Variants in PHLPP1 observed in about 807,000 individuals in gnomAD.
The protein encoded by PHLPP1 is PH domain leucine-rich repeat-containing protein phosphatase 1.
PHLPP1 carries 42 observed loss-of-function variants against 117.2 expected under a neutral mutation model. That is an observed-to-expected ratio of 0.36 (90% CI 0.28 to 0.46). The LOEUF is 0.46. Among genes scored for constraint, PHLPP1 ranks in the 20% least tolerant of loss-of-function variants. PHLPP1 has a pLI of 1.00. For synonymous variants in PHLPP1, 1,042 were observed against 970.7 expected, an observed-to-expected ratio of 1.07 and a Z score of -1.37; for missense variants, 2,084 against 2,241.9, an observed-to-expected ratio of 0.93 and a Z score of 1.42.
intron 12 of PHLPP1, among the ~76,000 whole-genome samples, chr18:62,950,936 TTCTC>T (rs1332277162): frequency 6.6e-5 from 10 of 151,990 alleles, no homozygotes; most frequent in Non-Finnish European, 1.0e-4. Context: ...AGACTGCATA[TTCTC>T]TCTGTCTTTC....
chr18:62,898,607 C>T (rs1016268580), intron 6 of PHLPP1, among the ~76,000 whole-genome samples: 2 of 152,118 alleles, frequency 1.3e-5, no homozygotes, highest in African/African-American at 4.8e-5. Context: ...CTGAGCTGCT[C>T]ATGTGTGGGC....
At chr18:62,755,454 C>G (rs1911986605) in intron 1 of PHLPP1, among the ~76,000 whole-genome samples, 1 of 152,152 alleles carries the variant, frequency 6.6e-6, no homozygotes, top group South Asian at 2.1e-4. Context: ...ATCCTAAACT[C>G]CAAGGTGATA....
At chr18:62,871,686 C>T (rs1915907841) in intron 4 of PHLPP1, among the ~76,000 whole-genome samples, 1 of 150,050 alleles carries the variant, frequency 6.7e-6, no homozygotes, top group African/African-American at 2.5e-5. Context: ...GGTCTGTCCC[C>T]CAGGCTGGAG....
At chr18:62,967,681 CTT>C (rs1910942301) in intron 14 of PHLPP1, among the ~76,000 whole-genome samples, 1 of 151,580 alleles carries the variant, frequency 6.6e-6, no homozygotes. Flanking sequence ...TTGTCATAGA[CTT>C]TTTCTGTATC....
chr18:62,756,969 T>C (rs1406868604), intron 1 of PHLPP1, among the ~76,000 whole-genome samples: 1 of 152,210 alleles, frequency 6.6e-6, no homozygotes, highest in Non-Finnish European at 1.5e-5. Context: ...GTACATACGA[T>C]TGAGACTTTT....
In PHLPP1 at chr18:62,979,145, C is replaced by T. The variant is rs1038046430; in HGVS notation, c.4868C>T (p.Ala1623Val). The change falls in exon 17 of 17, where the codon GCC becomes GTC. Residue 1623 changes from alanine to valine, a missense_variant. Ala to Val is a moderately conservative substitution (Grantham distance 64). Transcript: ENST00000262719. ...SAVGTIGRRR[A>V]NGSVAPQERS... ...GTTGGGACCATTGGGCGCCGGAGGGCCAATGGCTCTGTTGCGCCCCAGGAA... is the reference window on the plus strand; with the variant it reads ...GTTGGGACCATTGGGCGCCGGAGGGTCAATGGCTCTGTTGCGCCCCAGGAA... The T allele has an allele frequency of 2.7e-5, 43 of 1,613,934 alleles. No individual in the cohort carries two copies. The highest frequency in any genetic ancestry group is 3.6e-5 in the Non-Finnish European group (42 of 1,179,866).
chr18:62,860,464 C>T lies in PHLPP1; in HGVS notation c.1929C>T (p.Asp643=). 6.2e-7 allele frequency: 1 copy of T among 1,613,862 alleles called. No individual in the cohort carries two copies. The highest frequency in any genetic ancestry group is 8.5e-7 in the Non-Finnish European group (1 of 1,179,832). ...KVASQRISSV[D]LSCCSLEHLP... ...CATCCCAGCGCATTAGCTCAGTGGACCTCTCGTGTTGTAGCCTGGAACATC... is the reference window on the plus strand; with the variant it reads ...CATCCCAGCGCATTAGCTCAGTGGATCTCTCGTGTTGTAGCCTGGAACATC... Residue 643 remains aspartate (D), a synonymous_variant, in exon 4 of 17, where the codon GAC becomes GAT. Transcript: ENST00000262719.
chr18:62,726,408 G>C (rs1911071817), intron 1 of PHLPP1, among the ~76,000 whole-genome samples: 1 of 151,354 alleles, frequency 6.6e-6, no homozygotes, highest in Admixed American at 6.6e-5. Context: ...TGTTTACTAA[G>C]TCACTTATAT....
intron 6 of PHLPP1, among the ~76,000 whole-genome samples, chr18:62,902,646 T>C (rs913837436): frequency 6.6e-6 from 1 of 152,238 alleles, no homozygotes; most frequent in Admixed American, 6.5e-5. Context: ...CCTAGTTCTT[T>C]GGAAGTCAGT....
At chr18:62,842,544 A>G (rs946640157) in intron 3 of PHLPP1, among the ~76,000 whole-genome samples, 21 of 151,608 alleles carry the variant, frequency 1.4e-4, no homozygotes, top group Non-Finnish European at 2.9e-4. Context: ...TTGTATTTTT[A>G]GTAGAAACGG....
intron 2 of PHLPP1, among the ~76,000 whole-genome samples, chr18:62,834,541 ACTGGGCT>A (rs1914838987): frequency 6.6e-6 from 1 of 152,192 alleles, no homozygotes; most frequent in South Asian, 2.1e-4. Flanking sequence ...GAGCTCGGTT[ACTGGGCT>A]CTGGGACATA....
At chr18:62,736,717 T>G (rs990279584) in intron 1 of PHLPP1, among the ~76,000 whole-genome samples, 4 of 152,220 alleles carry the variant, frequency 2.6e-5, no homozygotes, top group African/African-American at 9.6e-5. Flanking sequence ...GTAATACATG[T>G]TAAGCTGACT....
intron 1 of PHLPP1, among the ~76,000 whole-genome samples, chr18:62,766,408 T>C (rs2056003329): frequency 2.0e-5 from 3 of 152,078 alleles, no homozygotes; most frequent in Non-Finnish European, 2.9e-5. Flanking sequence ...AAGTGACTTA[T>C]CTTCGAGTTT....
intron 1 of PHLPP1, among the ~76,000 whole-genome samples, chr18:62,775,008 C>T (rs944487016): frequency 7.2e-5 from 11 of 152,196 alleles, no homozygotes; most frequent in African/African-American, 2.7e-4. Flanking sequence ...AAACTGATTT[C>T]AGTCCACCTT....
At chr18:62,750,958 G>T (rs184376490) in intron 1 of PHLPP1, among the ~76,000 whole-genome samples, 276 of 152,290 alleles carry the variant, frequency 1.8e-3, no homozygotes, top group African/African-American at 6.5e-3. Flanking sequence ...GTCTGTTCAC[G>T]TTAAATACTG....
intron 4 of PHLPP1, among the ~76,000 whole-genome samples, chr18:62,894,324 T>G (rs1232084442): frequency 1.3e-5 from 2 of 152,104 alleles, no homozygotes; most frequent in African/African-American, 4.8e-5. Context: ...GCCTCCTGAG[T>G]AGCTGGGATT....
intron 13 of PHLPP1, 128 bp downstream of exon 13, chr18:62,958,887 G>A (rs1910693835): frequency 1.0e-6 from 1 of 992,478 alleles, no homozygotes; most frequent in Admixed American, 2.6e-5. Context: ...CACACAACAG[G>A]ATATACAAGA....
At chr18:62,892,108 T>A (rs1477933197) in intron 4 of PHLPP1, among the ~76,000 whole-genome samples, 14 of 117,280 alleles carry the variant, frequency 1.2e-4, no homozygotes, top group African/African-American at 3.4e-4. Context: ...TTTTTTTTTT[T>A]ACGGAGTTTT....
chr18:62,791,012 T>C (rs1260930789), intron 1 of PHLPP1, among the ~76,000 whole-genome samples: 1 of 152,068 alleles, frequency 6.6e-6, no homozygotes, highest in Non-Finnish European at 1.5e-5. Context: ...TTGTTTTCGG[T>C]GTGCTGAGTT....
Sources: gnomAD v4.1 joint callset for allele counts (sites outside exome capture counted in the v4.1 genomes callset) on GRCh38, gnomAD v4.1.1 for gene constraint, MANE v1.5 for transcripts, NCBI Gene and HGNC (gene_info 2026-07-23, HGNC 2026-07-21) for gene names.